Variants in RCOR1 observed in about 807,000 individuals in gnomAD.
RCOR1 encodes REST corepressor.
A neutral mutation model predicts 64.0 loss-of-function variants in RCOR1; 12 were observed. That is an observed-to-expected ratio of 0.19 (90% CI 0.12 to 0.30). The LOEUF (loss-of-function observed/expected upper bound fraction) is 0.30. RCOR1 is among the 10% of genes least tolerant of loss of function. The probability of loss-of-function intolerance (pLI) is 1.00; values close to 1 mark genes in which losing one functional copy is unlikely to be tolerated. For synonymous variants in RCOR1, 279 were observed against 227.2 expected, an observed-to-expected ratio of 1.23 and a Z score of -2.05; for missense variants, 502 against 621.2, an observed-to-expected ratio of 0.81 and a Z score of 2.04.
At chr14:102,676,850 C>T (rs1895177052) in intron 2 of RCOR1, among the ~76,000 whole-genome samples, 2 of 84,928 alleles carry the variant, frequency 2.4e-5, no homozygotes, top group South Asian at 8.8e-4. Context: ...GCTGGCCGGG[C>T]GAGGGGCTGA....
At chr14:102,614,596 AAC>A (rs1158086074) in intron 2 of RCOR1, among the ~76,000 whole-genome samples, 6 of 152,136 alleles carry the variant, frequency 3.9e-5, no homozygotes, top group African/African-American at 9.7e-5. Context: ...TCAGATGATT[AAC>A]TATCATTTTG....
At chr14:102,621,534 C>T (rs72702751) in intron 2 of RCOR1, among the ~76,000 whole-genome samples, 98 of 152,146 alleles carry the variant, frequency 6.4e-4, no homozygotes, top group Middle Eastern at 6.8e-3. Context: ...GCCACTGAGC[C>T]CAGCCTCAGG....
At chr14:102,691,499 G>A (rs989529411) in intron 3 of RCOR1, among the ~76,000 whole-genome samples, 2 of 152,242 alleles carry the variant, frequency 1.3e-5, no homozygotes, top group African/African-American at 4.8e-5. Context: ...TTTGACTTGG[G>A]TGTGAGCAGC....
At chr14:102,620,500 G>A (rs1893852447) in intron 2 of RCOR1, among the ~76,000 whole-genome samples, 1 of 152,222 alleles carries the variant, frequency 6.6e-6, no homozygotes, top group African/African-American at 2.4e-5. Flanking sequence ...CCGGGAGGCA[G>A]AGGTTGTGGT....
In RCOR1 at chr14:102,730,280, T is replaced by C; in HGVS notation, c.*3774T>C. 3.0e-6 allele frequency: 1 copy of C among 337,598 alleles called. No homozygotes were observed. The allele number at this position is 337,598 out of a possible 1,614,324, so 20.9% of individuals were successfully genotyped here. On this transcript the variant is annotated 3_prime_UTR_variant, in exon 12 of 12. Transcript: ENST00000262241. ...AAGTTTGCAAATATAATGGAAATGC[T>C]GTATATCTTTTGAAGTGATGAAATC...
intron 2 of RCOR1, among the ~76,000 whole-genome samples, chr14:102,614,021 A>G (rs955088696): frequency 4.7e-5 from 7 of 148,116 alleles, no homozygotes; most frequent in African/African-American, 1.8e-4. Context: ...TCAGCTTCCC[A>G]AGCAGCTGGG....
rs71119732 is a variant in RCOR1, at chr14:102,706,114, C to CAAAAAAAAAAAAA, written c.499-1221_499-1209dup. Among the ~76,000 whole-genome samples, 74 of 21,344 alleles carry CAAAAAAAAAAAAA rather than the reference C, an allele frequency of 3.5e-3. 2 individuals carry two copies. Among genetic ancestry groups the CAAAAAAAAAAAAA allele is most frequent in the African/African-American group, 4.9e-3 (20 of 4,054 alleles). 14.0% of individuals were successfully genotyped at this position (21,344 alleles called of 152,430 possible). A position where few individuals can be genotyped will look rare whatever the true frequency, so the allele number is the denominator to read the frequency against. On this transcript the variant is annotated intron_variant, in intron 4 of 11. Transcript: ENST00000262241. ...GGGCAAGGAGAGTGAAACCCTGTCTCAAAAAAAAAAAAAAAAAAAAAAAAA... is the reference window on the plus strand; with the variant it reads ...GGGCAAGGAGAGTGAAACCCTGTCTCAAAAAAAAAAAAAAAAAAAAAAAAAAAAAAAAAAAAAA...
At chr14:102,712,947 G>GTTTTTTTTTTTTTT (rs67246962) in intron 7 of RCOR1, among the ~76,000 whole-genome samples, 2 of 77,688 alleles carry the variant, frequency 2.6e-5, no homozygotes, top group Admixed American at 1.9e-4. Flanking sequence ...CTAAATCATT[G>GTTTTTTTTTTTTTT]TTTTTTTTTT....
intron 8 of RCOR1, among the ~76,000 whole-genome samples, chr14:102,716,106 G>T (rs980107877): frequency 4.9e-4 from 74 of 152,182 alleles, no homozygotes; most frequent in African/African-American, 1.7e-3. Flanking sequence ...TTATAATGAT[G>T]CCTCATTGTA....
intron 2 of RCOR1, among the ~76,000 whole-genome samples, chr14:102,654,689 G>T (rs563317714): frequency 6.7e-6 from 1 of 149,946 alleles, no homozygotes; most frequent in African/African-American, 2.5e-5. Context: ...AAGATAGTGA[G>T]AACCTGTCTC....
intron 2 of RCOR1, among the ~76,000 whole-genome samples, chr14:102,646,796 A>G (rs1039026858): frequency 1.3e-5 from 2 of 152,228 alleles, no homozygotes; most frequent in African/African-American, 4.8e-5. Context: ...AACTGTCATG[A>G]TATTTGCATT....
At chr14:102,628,706 G>A (rs1894034757) in intron 2 of RCOR1, among the ~76,000 whole-genome samples, 2 of 151,970 alleles carry the variant, frequency 1.3e-5, no homozygotes, top group Non-Finnish European at 2.9e-5. Flanking sequence ...GGCACCCACC[G>A]CCATGCCCGG....
intron 2 of RCOR1, among the ~76,000 whole-genome samples, chr14:102,676,507 A>ACCCCCC (rs200702020): frequency 3.1e-4 from 2 of 6,550 alleles, no homozygotes; most frequent in Non-Finnish European, 2.6e-4. Flanking sequence ...CGGCTGGCCG[A>ACCCCCC]CCCCCCCCCA....
In RCOR1 at chr14:102,707,388, A is replaced by G; in HGVS notation, c.536A>G (p.Glu179Gly). Residue 179 changes from glutamate to glycine, a missense_variant, in exon 5 of 12, where the codon GAA becomes GGA. Physicochemically the swap from Glu to Gly is moderately conservative, Grantham distance 98 (BLOSUM62 -2). Transcript: ENST00000262241. ...CTCTTCTGGCATAAACATAATATCG[A>G]AAAGTCATTGGCTGATTTGCCCAAC... The part of the protein sequence containing the change: ...GMLFWHKHNI[E>G]KSLADLPNFT... 1 of 1,612,858 alleles carries G rather than the reference A, an allele frequency of 6.2e-7. No individual in the cohort carries two copies. The highest frequency in any genetic ancestry group is 8.5e-7 in the Non-Finnish European group (1 of 1,179,610).
chr14:102,657,781 T>A (rs1894755134), intron 2 of RCOR1: 1 of 694,158 alleles, frequency 1.4e-6, no homozygotes, highest in African/African-American at 2.2e-5. Context: ...GAGGTTGCAG[T>A]GAGCCTAGAT....
At chr14:102,649,707 G>C (rs1333010002) in intron 2 of RCOR1, 11 of 751,716 alleles carry the variant, frequency 1.5e-5, no homozygotes, top group Non-Finnish European at 1.6e-5. Context: ...TGTTGTCCTA[G>C]TTGCATGGCT....
At chr14:102,711,852 T>C (rs1462842770) in intron 7 of RCOR1, among the ~76,000 whole-genome samples, 1 of 152,202 alleles carries the variant, frequency 6.6e-6, no homozygotes, top group Non-Finnish European at 1.5e-5. Flanking sequence ...TTATCCATAA[T>C]CACTGTCAAC....
In RCOR1 at chr14:102,707,378, C is replaced by A; in HGVS notation, c.526C>A (p.His176Asn). 2 of 1,605,656 alleles carry A rather than the reference C, an allele frequency of 1.2e-6. No homozygotes were observed. The highest frequency in any genetic ancestry group is 4.5e-5 in the East Asian group (2 of 44,208). The change falls in exon 5 of 12, where the codon CAT becomes AAT. Residue 176 changes from histidine (H) to asparagine (N), a missense_variant. By Grantham distance (68) the His-to-Asn change is moderately conservative (BLOSUM62 1). Coordinates refer to ENST00000262241, the MANE Select transcript of RCOR1 (RefSeq NM_015156.4). ...QALGMLFWHKHNIEKSLADLP... is the reference protein window; with the variant it reads ...QALGMLFWHKNNIEKSLADLP... ...TCTTGGGATGCTCTTCTGGCATAAA[C>A]ATAATATCGAAAAGTCATTGGCTGA...
At chr14:102,724,850 T>C (rs1896230886) in intron 11 of RCOR1, among the ~76,000 whole-genome samples, 1 of 152,198 alleles carries the variant, frequency 6.6e-6, no homozygotes, top group Admixed American at 6.5e-5. Flanking sequence ...TTCACCTTTT[T>C]ATTTGTCCTG....
Sources: allele counts gnomAD v4.1 joint callset (sites outside exome capture counted in the v4.1 genomes callset), GRCh38; gene constraint gnomAD v4.1.1; transcripts MANE v1.5; gene names NCBI Gene and HGNC (gene_info 2026-07-23, HGNC 2026-07-21).